Variants in KHDRBS2 observed in about 807,000 individuals in gnomAD.
KHDRBS2 encodes the protein KH domain-containing, RNA-binding, signal transduction-associated protein 2.
Under a neutral mutation model 44.3 loss-of-function variants are expected in KHDRBS2, and 26 were observed. That is an observed-to-expected ratio of 0.59 (90% CI 0.43 to 0.81). The LOEUF (loss-of-function observed/expected upper bound fraction) is 0.81, where lower values mean the gene tolerates loss of function less well. Ranked by LOEUF, KHDRBS2 falls within the 40% of genes least tolerant of loss-of-function variation. The probability of loss-of-function intolerance (pLI) is 0.00; values close to 1 mark genes in which losing one functional copy is unlikely to be tolerated. For synonymous variants in KHDRBS2, 194 were observed against 151.1 expected, an observed-to-expected ratio of 1.28 and a Z score of -2.08; for missense variants, 476 against 433.1, an observed-to-expected ratio of 1.10 and a Z score of -0.88.
At chr6:62,226,193 G>C (rs1336666161) in intron 1 of KHDRBS2, among the ~76,000 whole-genome samples, 1 of 152,144 alleles carries the variant, frequency 6.6e-6, no homozygotes, top group Non-Finnish European at 1.5e-5. Context: ...AGCCTCGACA[G>C]CATGTATAGT....
chr6:61,745,761 T>G (rs536185300), intron 6 of KHDRBS2, among the ~76,000 whole-genome samples: 6 of 151,778 alleles, frequency 4.0e-5, no homozygotes, highest in Non-Finnish European at 8.8e-5. Flanking sequence ...AAGAGGAGAG[T>G]TGTTGTTTCT....
intron 6 of KHDRBS2, among the ~76,000 whole-genome samples, chr6:61,781,104 G>A (rs1285952933): frequency 2.6e-5 from 4 of 152,086 alleles, no homozygotes; most frequent in Non-Finnish European, 5.9e-5. Context: ...AGGAAAATAT[G>A]TCTAATCATT....
the KHDRBS2 span, among the ~76,000 whole-genome samples, chr6:61,615,091 G>T: frequency 2.0e-5 from 3 of 151,302 alleles, no homozygotes; most frequent in African/African-American, 7.3e-5. Flanking sequence ...AAATTAGCCG[G>T]GTGTGGTGGT....
At chr6:61,614,613 G>A in the KHDRBS2 span, among the ~76,000 whole-genome samples, 4 of 152,246 alleles carry the variant, frequency 2.6e-5, no homozygotes, top group African/African-American at 9.6e-5. Flanking sequence ...CCAGATAAAA[G>A]GAATGGTGAA....
intron 6 of KHDRBS2, among the ~76,000 whole-genome samples, chr6:61,786,925 C>A (rs1783907678): frequency 6.6e-6 from 1 of 151,392 alleles, no homozygotes; most frequent in Admixed American, 6.6e-5. Context: ...CAAAAAGAAT[C>A]CCAATAACAA....
chr6:61,630,403 C>T, the KHDRBS2 span: 1 of 151,442 alleles, frequency 6.6e-6, no homozygotes, highest in Admixed American at 6.6e-5. Flanking sequence ...CCCCCAGCAG[C>T]AAGGTGAATG....
chr6:61,806,585 A>T (rs1169009966), intron 6 of KHDRBS2, among the ~76,000 whole-genome samples: 3 of 152,144 alleles, frequency 2.0e-5, no homozygotes, highest in Non-Finnish European at 4.4e-5. Flanking sequence ...CAATATAATT[A>T]CTTTTTAAAA....
chr6:62,219,636 G>A (rs1336403282), intron 1 of KHDRBS2, among the ~76,000 whole-genome samples: 9 of 151,034 alleles, frequency 6.0e-5, no homozygotes, highest in Non-Finnish European at 1.0e-4. Context: ...ATATGGAATC[G>A]ATATTAGATA....
the KHDRBS2 span, among the ~76,000 whole-genome samples, chr6:61,668,714 T>C: frequency 2.6e-5 from 4 of 151,056 alleles, no homozygotes; most frequent in South Asian, 8.3e-4. Flanking sequence ...TTCTAATGGA[T>C]ATCAGCTTTT....
chr6:62,100,048 C>T (rs1039394805), intron 2 of KHDRBS2, among the ~76,000 whole-genome samples: 6 of 149,330 alleles, frequency 4.0e-5, no homozygotes, highest in Admixed American at 2.7e-4. Flanking sequence ...ATTCTAGATG[C>T]CATCAAGAAC....
chr6:61,928,734 A>G (rs1404772956), intron 4 of KHDRBS2, among the ~76,000 whole-genome samples: 1 of 152,108 alleles, frequency 6.6e-6, no homozygotes, highest in Non-Finnish European at 1.5e-5. Flanking sequence ...CATATAGGAC[A>G]TATATGTTTT....
At chr6:62,054,635 G>C (rs565286205) in intron 2 of KHDRBS2, among the ~76,000 whole-genome samples, 2 of 151,998 alleles carry the variant, frequency 1.3e-5, no homozygotes, top group Non-Finnish European at 2.9e-5. Flanking sequence ...GCATGGGCTC[G>C]AGGGATACAA....
intron 6 of KHDRBS2, among the ~76,000 whole-genome samples, chr6:61,778,807 G>T (rs1782492451): frequency 6.6e-6 from 1 of 152,180 alleles, no homozygotes. Flanking sequence ...ATGCCAGAAA[G>T]AATGGACTAG....
chr6:61,960,706 T>A (rs1047275468), intron 4 of KHDRBS2, among the ~76,000 whole-genome samples: 11 of 152,170 alleles, frequency 7.2e-5, no homozygotes, highest in African/African-American at 2.7e-4. Context: ...TTAACAAATT[T>A]CCTGCATGAA....
At chr6:62,181,109 G>A (rs1822195404) in intron 1 of KHDRBS2, among the ~76,000 whole-genome samples, 1 of 151,562 alleles carries the variant, frequency 6.6e-6, no homozygotes, top group South Asian at 2.1e-4. Context: ...AGAAAAAGGG[G>A]TAAATGCTTC....
chr6:62,218,138 T>C (rs1455130937), intron 1 of KHDRBS2, among the ~76,000 whole-genome samples: 1 of 151,696 alleles, frequency 6.6e-6, no homozygotes, highest in Admixed American at 6.6e-5. Context: ...GGATGAAATG[T>C]GGAGTCAAGA....
At chr6:61,631,305 C>CAAAA in the KHDRBS2 span, among the ~76,000 whole-genome samples, 30 of 66,992 alleles carry the variant, frequency 4.5e-4, no homozygotes, top group East Asian at 5.3e-4. Context: ...ACGAATAAGC[C>CAAAA]AAAAAAAAAA....
At chr6:61,823,744 G>C (rs1790388081) in intron 6 of KHDRBS2, among the ~76,000 whole-genome samples, 1 of 152,088 alleles carries the variant, frequency 6.6e-6, no homozygotes, top group Admixed American at 6.6e-5. Context: ...GTCGATTTAA[G>C]ATGACCTTGT....
intron 6 of KHDRBS2, among the ~76,000 whole-genome samples, chr6:61,847,787 A>G (rs1420513499): frequency 1.3e-5 from 2 of 152,060 alleles, no homozygotes; most frequent in East Asian, 3.8e-4. Flanking sequence ...ATTTTTAACT[A>G]TATTTCTTCA....
Sources: allele counts gnomAD v4.1 joint callset (sites outside exome capture counted in the v4.1 genomes callset), GRCh38; gene constraint gnomAD v4.1.1; transcripts MANE v1.5; gene names NCBI Gene and HGNC (gene_info 2026-07-23, HGNC 2026-07-21).